The following UNC13C variants were observed in gnomAD, a reference collection of about 807,000 sequenced individuals.
UNC13C encodes the protein unc-13 homolog C.
Under a neutral mutation model 245.4 loss-of-function variants are expected in UNC13C, and 174 were observed. The observed-to-expected ratio is 0.71, with a 90% CI of 0.63 to 0.80. UNC13C has a LOEUF of 0.80. UNC13C is among the 30% of genes least tolerant of loss of function. The pLI is 0.00. For missense variants in UNC13C, 2,829 were observed against 2,602.9 expected (o/e 1.09, Z -1.89); for synonymous variants, 992 against 895.1 (o/e 1.11, Z -1.93).
intron 26 of UNC13C, 36 bp from the exon 27 acceptor site, chr15:54,546,686 T>A (rs1484984401): frequency 7.6e-7 from 1 of 1,315,844 alleles, no homozygotes; most frequent in Non-Finnish European, 1.0e-6. Context: ...TGATCTGAAA[T>A]TTAAAAGTGA....
chr15:54,250,507 G>T, intron 8 of UNC13C, 63 bp downstream of exon 8: 1 of 1,438,318 alleles, frequency 7.0e-7, no homozygotes, highest in Non-Finnish European at 9.4e-7. Flanking sequence ...TCTGTTTCAT[G>T]TTAGATCACT....
At chr15:54,254,974 A>C (rs2036242735) in intron 8 of UNC13C, among the ~76,000 whole-genome samples, 1 of 152,108 alleles carries the variant, frequency 6.6e-6, no homozygotes, top group Non-Finnish European at 1.5e-5. Flanking sequence ...ATGCTCCTGA[A>C]ATAGGAAAAG....
the UNC13C span, among the ~76,000 whole-genome samples, chr15:53,893,701 C>G: frequency 9.2e-5 from 14 of 151,872 alleles, no homozygotes; most frequent in African/African-American, 2.9e-4. Flanking sequence ...TCCCTCCCCC[C>G]ACCAAGCTCA....
chr15:54,052,002 A>T (rs1286558544), intron 2 of UNC13C, among the ~76,000 whole-genome samples: 1 of 127,528 alleles, frequency 7.8e-6, no homozygotes, highest in Non-Finnish European at 1.6e-5. Flanking sequence ...ATGAGTGAGA[A>T]TATGCGGTGT....
intron 28 of UNC13C, among the ~76,000 whole-genome samples, chr15:54,552,565 ATT>A (rs1566904788): frequency 1.1e-4 from 2 of 18,562 alleles, no homozygotes; most frequent in South Asian, 1.6e-3. Context: ...ATAATTATAT[ATT>A]ATATATAATT....
At chr15:54,337,078 C>T (rs957824677) in intron 16 of UNC13C, among the ~76,000 whole-genome samples, 1 of 152,126 alleles carries the variant, frequency 6.6e-6, no homozygotes, top group African/African-American at 2.4e-5. Context: ...GACTTTTACT[C>T]TCTCACTTCA....
chr15:53,982,544 AATCATGTCATTGTTAAGTGGC>A (rs1294413720), intron 1 of UNC13C, among the ~76,000 whole-genome samples: 2 of 152,124 alleles, frequency 1.3e-5, no homozygotes, highest in Non-Finnish European at 2.9e-5. Flanking sequence ...TTGTATTTTG[AATCATGTCATTGTTAAGTGGC>A]ACACAACTGA....
intron 13 of UNC13C, chr15:54,321,675 G>A: frequency 2.5e-6 from 1 of 403,956 alleles, no homozygotes; most frequent in Non-Finnish European, 4.4e-6. Context: ...CATGACAACA[G>A]TGGCAAGGGA....
intron 1 of UNC13C, among the ~76,000 whole-genome samples, chr15:53,992,772 T>A (rs961901727): frequency 6.6e-6 from 1 of 152,130 alleles, no homozygotes; most frequent in Non-Finnish European, 1.5e-5. Flanking sequence ...ATTGGAGGTC[T>A]GTTGTCTTTC....
At chr15:54,300,149 G>T in intron 12 of UNC13C, 61 bp from the exon 13 acceptor site, 1 of 1,494,696 alleles carries the variant, frequency 6.7e-7, no homozygotes, top group Non-Finnish European at 9.0e-7. Context: ...GGAAGTTTTA[G>T]TTAAATGTTT....
At chr15:54,152,025 T>TA (rs1220828820) in intron 4 of UNC13C, among the ~76,000 whole-genome samples, 1 of 152,208 alleles carries the variant, frequency 6.6e-6, no homozygotes, top group African/African-American at 2.4e-5. Flanking sequence ...TCCAAAGGAC[T>TA]AGCATTTGGT....
intron 1 of UNC13C, among the ~76,000 whole-genome samples, chr15:53,997,411 T>A (rs1392530554): frequency 6.6e-6 from 1 of 152,196 alleles, no homozygotes; most frequent in South Asian, 2.1e-4. Flanking sequence ...TTTTGATGAA[T>A]TCCAAGTTAT....
chr15:53,989,406 A>T (rs1414656288), intron 1 of UNC13C, among the ~76,000 whole-genome samples: 5 of 140,184 alleles, frequency 3.6e-5, no homozygotes, highest in African/African-American at 7.7e-5. Flanking sequence ...TCGTGGATTT[A>T]AAAAAAAAAA....
the UNC13C span, among the ~76,000 whole-genome samples, chr15:53,926,661 A>G: frequency 6.6e-6 from 1 of 152,218 alleles, no homozygotes; most frequent in Non-Finnish European, 1.5e-5. Flanking sequence ...AGTGTGGTAA[A>G]TGGAATAATA....
At chr15:53,956,648 G>T in the UNC13C span, among the ~76,000 whole-genome samples, 6 of 145,278 alleles carry the variant, frequency 4.1e-5, no homozygotes, top group Non-Finnish European at 9.1e-5. Flanking sequence ...GGAGCTTGAA[G>T]GGATGGATGA....
At chr15:54,494,844 G>A in intron 20 of UNC13C, 110 bp downstream of exon 20, 15 of 1,295,912 alleles carry the variant, frequency 1.2e-5, no homozygotes, top group Non-Finnish European at 1.6e-5. Context: ...TCATTGGAAT[G>A]CAGAAATTTC....
At chr15:54,264,904 C>G (rs5025252) in intron 9 of UNC13C, among the ~76,000 whole-genome samples, 2 of 151,564 alleles carry the variant, frequency 1.3e-5, no homozygotes, top group Non-Finnish European at 3.0e-5. Context: ...CAAGACTCTT[C>G]ACTTACTCAT....
At chr15:54,253,903 G>A (rs1298108128) in intron 8 of UNC13C, among the ~76,000 whole-genome samples, 1 of 152,156 alleles carries the variant, frequency 6.6e-6, no homozygotes, top group Non-Finnish European at 1.5e-5. Context: ...CTCCAAAGAA[G>A]GAATCCCAGA....
Position 54,203,681 on chromosome 15 carries a change from G to A in UNC13C, c.3072-31349G>A, listed in dbSNP as rs183118518. Among the ~76,000 whole-genome samples the A allele has an allele frequency of 2.0e-5, 3 of 147,306 alleles. No homozygotes were observed. In the Admixed American group the frequency reaches 2.0e-4, roughly 10 times the overall value. On this transcript the variant is annotated intron_variant, in intron 4 of 32. Coordinates refer to ENST00000260323, the MANE Select transcript of UNC13C (RefSeq NM_001080534.3). The stretch of plus-strand genomic sequence containing the variant: ...ATATATACATTTTCTTTATCCACTC[G>A]TGATTGATTGGCATTTATACATATA...
Sources: allele counts gnomAD v4.1 joint callset (sites outside exome capture counted in the v4.1 genomes callset), GRCh38; gene constraint gnomAD v4.1.1; transcripts MANE v1.5; gene names NCBI Gene and HGNC (gene_info 2026-07-23, HGNC 2026-07-21).